Variants in GABRG3 observed in about 807,000 individuals in gnomAD.
GABRG3 encodes the protein gamma-aminobutyric acid type A receptor subunit gamma3.
Under a neutral mutation model 48.8 loss-of-function variants are expected in GABRG3, and 25 were observed. That is an observed-to-expected ratio of 0.51 (90% CI 0.37 to 0.72). The LOEUF is 0.72. Among genes scored for constraint, GABRG3 ranks in the 30% least tolerant of loss-of-function variants. GABRG3 has a pLI of 0.00. For missense variants in GABRG3, 394 were observed against 577.9 expected (o/e 0.68, Z 3.26); for synonymous variants, 227 against 217.6 (o/e 1.04, Z -0.38).
At chr15:27,072,293 A>C (rs766241045) in intron 3 of GABRG3, among the ~76,000 whole-genome samples, 1 of 152,182 alleles carries the variant, frequency 6.6e-6, no homozygotes, top group Admixed American at 6.5e-5. Context: ...TGTGAGGTAC[A>C]TCAACTTTGT....
At chr15:27,308,300 T>TATATAAA (rs1566773727) in intron 3 of GABRG3, among the ~76,000 whole-genome samples, 1 of 115,600 alleles carries the variant, frequency 8.7e-6, no homozygotes, top group African/African-American at 5.1e-5. Context: ...TATATAAACA[T>TATATAAA]CATATAAACA....
At chr15:27,104,131 T>G (rs1446811944) in intron 3 of GABRG3, among the ~76,000 whole-genome samples, 1 of 152,234 alleles carries the variant, frequency 6.6e-6, no homozygotes, top group South Asian at 2.1e-4. Flanking sequence ...TTTTAGTGTT[T>G]CAAGAAGAGA....
chr15:27,197,118 G>T (rs1187915813), intron 3 of GABRG3, among the ~76,000 whole-genome samples: 1 of 152,154 alleles, frequency 6.6e-6, no homozygotes, highest in Non-Finnish European at 1.5e-5. Context: ...GATTTATGCT[G>T]ATTTGAATTG....
At chr15:27,301,797 A>G (rs1439345708) in intron 3 of GABRG3, among the ~76,000 whole-genome samples, 1 of 151,938 alleles carries the variant, frequency 6.6e-6, no homozygotes. Flanking sequence ...TACATTTTTT[A>G]CAAAAAATAT....
intron 3 of GABRG3, among the ~76,000 whole-genome samples, chr15:27,300,127 T>C (rs1353742295): frequency 6.6e-6 from 1 of 152,188 alleles, no homozygotes; most frequent in Admixed American, 6.5e-5. Flanking sequence ...CCATTGAACC[T>C]GCAGTGTGAA....
chr15:27,049,692 A>G (rs1422646909), intron 3 of GABRG3, among the ~76,000 whole-genome samples: 3 of 152,244 alleles, frequency 2.0e-5, no homozygotes, highest in African/African-American at 7.2e-5. Context: ...TACATCAGAA[A>G]TGCATAAACA....
At chr15:27,297,542 A>C (rs1423085002) in intron 3 of GABRG3, among the ~76,000 whole-genome samples, 1 of 152,120 alleles carries the variant, frequency 6.6e-6, no homozygotes, top group African/African-American at 2.4e-5. Context: ...TAGAATATTC[A>C]GGACAGGAAC....
chr15:27,475,209 C>T (rs1358931842), intron 5 of GABRG3, among the ~76,000 whole-genome samples: 1 of 152,028 alleles, frequency 6.6e-6, no homozygotes. Flanking sequence ...CAGTGTTGTG[C>T]AGCGGGTGAA....
intron 3 of GABRG3, among the ~76,000 whole-genome samples, chr15:27,250,502 C>T (rs186145501): frequency 6.6e-6 from 1 of 152,192 alleles, no homozygotes. Context: ...TCTTGGCTCA[C>T]TGCAACCTCT....
chr15:27,139,826 G>A (rs1333681407), intron 3 of GABRG3, among the ~76,000 whole-genome samples: 2 of 152,178 alleles, frequency 1.3e-5, no homozygotes, highest in Non-Finnish European at 2.9e-5. Flanking sequence ...ATCAAGGCAG[G>A]ATCAAGGGGT....
At chr15:27,183,007 C>T (rs1887980916) in intron 3 of GABRG3, among the ~76,000 whole-genome samples, 1 of 152,138 alleles carries the variant, frequency 6.6e-6, no homozygotes, top group Non-Finnish European at 1.5e-5. Flanking sequence ...TCATTTTTAG[C>T]TTTTAGTGAA....
At chr15:26,984,838 C>G (rs1199596259) in intron 2 of GABRG3, among the ~76,000 whole-genome samples, 1 of 152,180 alleles carries the variant, frequency 6.6e-6, no homozygotes, top group Non-Finnish European at 1.5e-5. Flanking sequence ...CAAATATGGT[C>G]ATGCTGGGAA....
chr15:27,465,347 C>T (rs1158163100), intron 5 of GABRG3, among the ~76,000 whole-genome samples: 2 of 123,298 alleles, frequency 1.6e-5, no homozygotes, highest in Non-Finnish European at 1.5e-5. Context: ...TGGATACAAA[C>T]GTAAGGTCTC....
chr15:27,521,858 C>T (rs1891167926), intron 7 of GABRG3, among the ~76,000 whole-genome samples: 1 of 151,882 alleles, frequency 6.6e-6, no homozygotes, highest in African/African-American at 2.4e-5. Flanking sequence ...TCCCAGTGAC[C>T]TGTGATACAA....
intron 5 of GABRG3, among the ~76,000 whole-genome samples, chr15:27,340,000 A>T (rs1172769281): frequency 1.3e-5 from 2 of 152,082 alleles, no homozygotes; most frequent in Non-Finnish European, 2.9e-5. Flanking sequence ...AGTGAGGGTG[A>T]CTTTCAGCAT....
At chr15:27,306,391 TAA>T (rs1892449055) in intron 3 of GABRG3, among the ~76,000 whole-genome samples, 2 of 139,428 alleles carry the variant, frequency 1.4e-5, no homozygotes, top group South Asian at 4.6e-4. Flanking sequence ...TGTCTACATG[TAA>T]ACATATATAT....
intron 3 of GABRG3, among the ~76,000 whole-genome samples, chr15:27,126,983 G>A (rs1243692491): frequency 6.6e-6 from 1 of 152,124 alleles, no homozygotes; most frequent in Non-Finnish European, 1.5e-5. Context: ...CATGGCCAGC[G>A]GAGAGATTGG....
chr15:27,188,177 G>A (rs2140420731), intron 3 of GABRG3, among the ~76,000 whole-genome samples: 1 of 152,236 alleles, frequency 6.6e-6, no homozygotes, highest in African/African-American at 2.4e-5. Context: ...GAATAGTGCT[G>A]CAAGAAACAT....
chr15:27,358,255 T>C (rs1432207695), intron 5 of GABRG3, among the ~76,000 whole-genome samples: 6 of 152,158 alleles, frequency 3.9e-5, no homozygotes, highest in Non-Finnish European at 8.8e-5. Flanking sequence ...TAACCATAGT[T>C]TGTTGCTCTT....
Sources: gnomAD v4.1 joint callset for allele counts (sites outside exome capture counted in the v4.1 genomes callset) on GRCh38, gnomAD v4.1.1 for gene constraint, MANE v1.5 for transcripts, NCBI Gene and HGNC (gene_info 2026-07-23, HGNC 2026-07-21) for gene names.